Variants in LRIG1 observed in about 807,000 individuals in gnomAD.
The protein encoded by LRIG1 is leucine rich repeats and immunoglobulin like domains 1.
A neutral mutation model predicts 99.2 loss-of-function variants in LRIG1; 48 were observed. The observed-to-expected ratio is 0.48, with a 90% CI of 0.38 to 0.62. LRIG1 has a LOEUF of 0.62. LRIG1 is among the 20% of genes least tolerant of loss of function. The probability of loss-of-function intolerance (pLI) is 0.00; values close to 1 mark genes in which losing one functional copy is unlikely to be tolerated. For missense variants in LRIG1, 1,646 were observed against 1,434.4 expected (o/e 1.15, Z -2.38); for synonymous variants, 772 against 596.1 (o/e 1.29, Z -4.30).
intron 1 of LRIG1, among the ~76,000 whole-genome samples, chr3:66,465,074 G>T (rs1700441791): frequency 6.6e-6 from 1 of 152,112 alleles, no homozygotes; most frequent in South Asian, 2.1e-4. Context: ...GTGTTAGGGT[G>T]CTACCCAGAA....
At position 66,380,373 on chromosome 3, in the gene LRIG1, A is replaced by C; in HGVS notation, c.3172T>G (p.Ser1058Ala). 1.9e-6 allele frequency: 3 copies of C among 1,614,176 alleles called. No individual in the cohort carries two copies. The highest frequency in any genetic ancestry group is 2.2e-5 in the East Asian group (1 of 44,878). The change falls in exon 19 of 19, where the codon TCC becomes GCC. Residue 1058 changes from serine to alanine, a missense_variant. By Grantham distance (99) the Ser-to-Ala change is moderately conservative. Transcript: ENST00000273261. ...CATGCTTTGGGGAGGTGGCCATTGG[A>C]AACAAGCAAGTACTGGGCTTCCGCG... ...ERAEAQYLLV[S>A]NGHLPKACDA...
intron 13 of LRIG1, among the ~76,000 whole-genome samples, chr3:66,384,706 G>C (rs937323808): frequency 2.0e-5 from 3 of 151,664 alleles, no homozygotes; most frequent in African/African-American, 7.3e-5. Context: ...GTTTGGATGG[G>C]TGTTCATGGG....
intron 1 of LRIG1, among the ~76,000 whole-genome samples, chr3:66,464,781 A>G (rs1216777623): frequency 6.6e-6 from 1 of 152,226 alleles, no homozygotes; most frequent in East Asian, 1.9e-4. Context: ...GCAACTTGGT[A>G]TAAAACCATT....
intron 3 of LRIG1, among the ~76,000 whole-genome samples, chr3:66,449,437 CT>C (rs1703830112): frequency 6.6e-6 from 1 of 152,160 alleles, no homozygotes; most frequent in Non-Finnish European, 1.5e-5. Context: ...GAGTAACTCT[CT>C]TTTTTTTCTC....
chr3:66,473,415 T>C (rs1307307970), intron 1 of LRIG1, among the ~76,000 whole-genome samples: 2 of 152,198 alleles, frequency 1.3e-5, no homozygotes, highest in Admixed American at 6.5e-5. Flanking sequence ...CTGTGTGACA[T>C]CACACCCACA....
intron 7 of LRIG1, among the ~76,000 whole-genome samples, chr3:66,409,195 AAAC>A (rs1702385386): frequency 6.6e-6 from 1 of 152,174 alleles, no homozygotes; most frequent in Non-Finnish European, 1.5e-5. Context: ...AGGAAGAAAA[AAAC>A]AAAACAAAAC....
At chr3:66,453,510 C>G (rs139591017) in intron 2 of LRIG1, among the ~76,000 whole-genome samples, 203 of 152,326 alleles carry the variant, frequency 1.3e-3, no homozygotes, top group African/African-American at 4.5e-3. Flanking sequence ...GGTTTTTCCT[C>G]ATTACCTTCT....
chr3:66,465,756 T>G (rs1700460082), intron 1 of LRIG1, among the ~76,000 whole-genome samples: 4 of 152,018 alleles, frequency 2.6e-5, no homozygotes. Flanking sequence ...TGGCACCGAG[T>G]ACCTTCACAC....
At chr3:66,422,845 C>T (rs1702863137) in intron 3 of LRIG1, among the ~76,000 whole-genome samples, 1 of 152,214 alleles carries the variant, frequency 6.6e-6, no homozygotes, top group Non-Finnish European at 1.5e-5. Flanking sequence ...CACAGTTCCA[C>T]CTGGCTGGAG....
chr3:66,405,858 C>A, intron 8 of LRIG1: 1 of 1,102,964 alleles, frequency 9.1e-7, no homozygotes, highest in South Asian at 2.2e-5. Context: ...TTGTGACCCA[C>A]TCGCCAGGAT....
At chr3:66,385,724 T>C (rs921906577) in intron 13 of LRIG1, among the ~76,000 whole-genome samples, 4 of 152,194 alleles carry the variant, frequency 2.6e-5, no homozygotes, top group African/African-American at 9.7e-5. Flanking sequence ...ACTGCTGGGA[T>C]TACAGGCATG....
chr3:66,425,739 C>T (rs964261681), intron 3 of LRIG1, among the ~76,000 whole-genome samples: 7 of 152,336 alleles, frequency 4.6e-5, no homozygotes, highest in South Asian at 2.1e-4. Flanking sequence ...ACGTGGCATT[C>T]GCCTCCATCC....
At chr3:66,476,981 G>C (rs73836304) in intron 1 of LRIG1, among the ~76,000 whole-genome samples, 5,974 of 152,276 alleles carry the variant, frequency 0.039, 397 homozygotes, top group African/African-American at 0.13. Flanking sequence ...GGTCTGTGAG[G>C]AGCAGGCATT....
At chr3:66,406,258 T>G (rs189903228) in intron 8 of LRIG1, 1 of 985,334 alleles carries the variant, frequency 1.0e-6, no homozygotes, top group African/African-American at 1.7e-5. Context: ...AATGGGTTCC[T>G]TCCTATCATC....
At chr3:66,471,616 C>T (rs1206730703) in intron 1 of LRIG1, among the ~76,000 whole-genome samples, 1 of 152,204 alleles carries the variant, frequency 6.6e-6, no homozygotes, top group African/African-American at 2.4e-5. Context: ...AGAGGTAAAA[C>T]CCAGAGGTTC....
chr3:66,422,015 T>A (rs6772754), intron 3 of LRIG1, among the ~76,000 whole-genome samples: 3,857 of 152,304 alleles, frequency 0.025, 187 homozygotes, highest in African/African-American at 0.087. Context: ...GTTGCCCCTT[T>A]CAGCTACAGC....
chr3:66,468,982 T>C (rs1051951539), intron 1 of LRIG1: 1 of 152,222 alleles, frequency 6.6e-6, no homozygotes, highest in Non-Finnish European at 1.5e-5. Flanking sequence ...TAGATGTTCT[T>C]ACCTTTTTTT....
chr3:66,499,845 C>T (rs1559831132), intron 1 of LRIG1, among the ~76,000 whole-genome samples: 1 of 137,544 alleles, frequency 7.3e-6, no homozygotes, highest in African/African-American at 2.6e-5. Flanking sequence ...ACCCACCCAC[C>T]CGCAAACACA....
intron 12 of LRIG1, among the ~76,000 whole-genome samples, chr3:66,393,257 A>C (rs1321161621): frequency 6.6e-6 from 1 of 152,206 alleles, no homozygotes; most frequent in East Asian, 1.9e-4. Context: ...TGAGCACAAA[A>C]GGCAGGAGGG....
Sources: allele counts gnomAD v4.1 joint callset (sites outside exome capture counted in the v4.1 genomes callset), GRCh38; gene constraint gnomAD v4.1.1; transcripts MANE v1.5; gene names NCBI Gene and HGNC (gene_info 2026-07-23, HGNC 2026-07-21).